Variants in DOCK10 observed in about 807,000 individuals in gnomAD.
DOCK10 encodes the protein dedicator of cytokinesis 10, also known as dedicator of cytokinesis protein 10.
Under a neutral mutation model 280.1 loss-of-function variants are expected in DOCK10, and 145 were observed. That is an observed-to-expected ratio of 0.52 (90% CI 0.45 to 0.59). DOCK10 has a LOEUF of 0.59. DOCK10 is among the 20% of genes least tolerant of loss of function. DOCK10 has a pLI of 0.00. For synonymous variants in DOCK10, 915 were observed against 942.2 expected, an observed-to-expected ratio of 0.97 and a Z score of 0.53; for missense variants, 2,368 against 2,651.7, an observed-to-expected ratio of 0.89 and a Z score of 2.35.
At chr2:224,847,457 G>A (rs1334098649) in intron 19 of DOCK10, among the ~76,000 whole-genome samples, 1 of 152,186 alleles carries the variant, frequency 6.6e-6, no homozygotes, top group Non-Finnish European at 1.5e-5. Context: ...GTAGTTCCCA[G>A]AACTGTCCAT....
intron 4 of DOCK10, among the ~76,000 whole-genome samples, chr2:224,886,896 A>ACCCC (rs1350872410): frequency 3.8e-5 from 5 of 130,310 alleles, no homozygotes; most frequent in African/African-American, 1.3e-4. Flanking sequence ...ACACCCCCCC[A>ACCCC]AGTAGTACCT....
intron 1 of DOCK10, among the ~76,000 whole-genome samples, chr2:225,000,041 A>G (rs1706386082): frequency 6.6e-6 from 1 of 152,224 alleles, no homozygotes; most frequent in Admixed American, 6.5e-5. Context: ...TGAAAATTAC[A>G]GTATATCCAA....
chr2:225,037,613 T>C (rs575791834), intron 1 of DOCK10, among the ~76,000 whole-genome samples: 12 of 152,230 alleles, frequency 7.9e-5, no homozygotes, highest in Non-Finnish European at 1.8e-4. Flanking sequence ...ACTGGCCTCC[T>C]CTGTATTTTG....
chr2:224,782,917 T>C (rs151050389), intron 50 of DOCK10, among the ~76,000 whole-genome samples: 208 of 152,374 alleles, frequency 1.4e-3, no homozygotes, highest in African/African-American at 4.5e-3. Context: ...ATGGAGATTA[T>C]GCTAATCAAG....
chr2:224,997,189 T>C (rs930473614), intron 1 of DOCK10, among the ~76,000 whole-genome samples: 3 of 151,358 alleles, frequency 2.0e-5, no homozygotes, highest in Non-Finnish European at 4.4e-5. Flanking sequence ...GGTTGGGGTT[T>C]GTCCCTCCCT....
chr2:224,967,041 A>G (rs906360043), intron 1 of DOCK10, among the ~76,000 whole-genome samples: 1 of 152,120 alleles, frequency 6.6e-6, no homozygotes, highest in Non-Finnish European at 1.5e-5. Context: ...TGTTCATGGA[A>G]TATCAGGACC....
chr2:224,999,914 A>G lies in DOCK10; in HGVS notation c.123+42338T>C, dbSNP rs912954955. Among the ~76,000 whole-genome samples, 5 of 152,174 alleles carry G rather than the reference A, an allele frequency of 3.3e-5. No homozygotes were observed. The East Asian group carries it at 9.6e-4, about 29-fold the overall frequency. On this transcript the variant is annotated intron_variant, in intron 1 of 55. Coordinates refer to ENST00000258390, the MANE Select transcript of DOCK10 (RefSeq NM_014689.3). Reference sequence around the variant, plus strand: ...CTTGGAAAAGCTCAGCTATGGATTGAAAGCTTTATTATGTGTGGTGCAACA... The same window carrying G: ...CTTGGAAAAGCTCAGCTATGGATTGGAAGCTTTATTATGTGTGGTGCAACA...
At chr2:224,897,313 G>A (rs1266471331) in intron 3 of DOCK10, among the ~76,000 whole-genome samples, 1 of 152,126 alleles carries the variant, frequency 6.6e-6, no homozygotes. Context: ...CAGGGTACAT[G>A]AGATGGTTTG....
chr2:225,027,375 T>C lies in DOCK10; in HGVS notation c.123+14877A>G, dbSNP rs553622413. ...TGACCACTGTAATAATGAACACGGA[T>C]GTAGCTTCAAAACTCTGAAGCATGT... On this transcript the variant is annotated intron_variant, in intron 1 of 55. Transcript: ENST00000258390. Among the ~76,000 whole-genome samples the C allele has an allele frequency of 5.9e-5, 9 of 152,296 alleles. No individual in the cohort carries two copies. In the East Asian group the frequency reaches 1.4e-3, roughly 23 times the overall value.
intron 30 of DOCK10, among the ~76,000 whole-genome samples, chr2:224,816,027 C>T (rs1441272852): frequency 6.6e-6 from 1 of 151,904 alleles, no homozygotes; most frequent in Non-Finnish European, 1.5e-5. Context: ...GAGTGAGACT[C>T]TACCTCAAAA....
rs1352793199 is a variant in DOCK10 at position 224,991,329 on chromosome 2, T to C, written c.123+50923A>G. 2.6e-5 allele frequency among the ~76,000 whole-genome samples: 4 copies of C among 152,336 alleles called. No homozygotes were observed. The East Asian group carries it at 7.7e-4, about 29-fold the overall frequency. On this transcript the variant is annotated intron_variant, in intron 1 of 55. Coordinates refer to ENST00000258390, the MANE Select transcript of DOCK10 (RefSeq NM_014689.3). ...TAGTTTTGTTGTCTTGGAACATTAA[T>C]TCTCTGAGACTTATTTTCTCCATTG...
Position 224,917,101 on chromosome 2 carries a change from C to CTTTTTTTTTTTT in DOCK10, c.244-329_244-318dup, listed in dbSNP as rs58223345. On this transcript the variant is annotated intron_variant, in intron 2 of 55. Coordinates refer to ENST00000258390, the MANE Select transcript of DOCK10 (RefSeq NM_014689.3). ...CAATTTAGCTGATTTCTATTGGAAT[C>CTTTTTTTTTTTT]TTTTTTTTTTTTTTTTTTTTTTGAG... Among the ~76,000 whole-genome samples, 406 of 95,678 alleles carry CTTTTTTTTTTTT rather than the reference C, an allele frequency of 4.2e-3. 44 individuals are homozygous for CTTTTTTTTTTTT. Among genetic ancestry groups the CTTTTTTTTTTTT allele is most frequent in the Non-Finnish European group, 5.2e-3 (270 of 52,202 alleles). 62.8% of individuals were successfully genotyped at this position (95,678 alleles called of 152,430 possible).
At chr2:224,802,895 G>A (rs1305141423) in intron 39 of DOCK10, among the ~76,000 whole-genome samples, 4 of 152,108 alleles carry the variant, frequency 2.6e-5, no homozygotes, top group Non-Finnish European at 5.9e-5. Context: ...CACTTTTCAA[G>A]GCTGTTTTGG....
chr2:225,039,571 C>G (rs556523743), intron 1 of DOCK10, among the ~76,000 whole-genome samples: 21 of 152,260 alleles, frequency 1.4e-4, no homozygotes, highest in South Asian at 1.0e-3. Flanking sequence ...TTGGCATACA[C>G]CTGTATTGTC....
At chr2:224,797,177 C>A in intron 42 of DOCK10, 31 bp from the exon 43 acceptor site, 2 of 1,524,484 alleles carry the variant, frequency 1.3e-6, no homozygotes, top group Non-Finnish European at 1.8e-6. Context: ...GTGAAGGGAG[C>A]AACATGCCTT....
At chr2:225,041,035 C>A (rs911541692) in intron 1 of DOCK10, among the ~76,000 whole-genome samples, 3 of 151,074 alleles carry the variant, frequency 2.0e-5, no homozygotes, top group African/African-American at 7.3e-5. Flanking sequence ...GTTTCACACT[C>A]CAATCACCCC....
chr2:224,981,865 A>G (rs1253723267), intron 1 of DOCK10, among the ~76,000 whole-genome samples: 1 of 152,238 alleles, frequency 6.6e-6, no homozygotes, highest in Non-Finnish European at 1.5e-5. Flanking sequence ...CTCTTCTTTC[A>G]AATTATAGTT....
intron 1 of DOCK10, among the ~76,000 whole-genome samples, chr2:225,035,037 C>T (rs1475118174): frequency 1.3e-5 from 2 of 152,094 alleles, no homozygotes; most frequent in African/African-American, 4.8e-5. Context: ...AATTCAAGAG[C>T]CCAATCACCT....
At chr2:224,908,415 TTGTGTGTGTGTGTGTGTG>T (rs57986119) in intron 3 of DOCK10, among the ~76,000 whole-genome samples, 12 of 141,078 alleles carry the variant, frequency 8.5e-5, no homozygotes, top group Non-Finnish European at 1.5e-4. Flanking sequence ...TCATCATCGT[TTGTGTGTGTGTGTGTGTG>T]TGTGTGTGTG....
Sources: gnomAD v4.1 joint callset for allele counts (sites outside exome capture counted in the v4.1 genomes callset) on GRCh38, gnomAD v4.1.1 for gene constraint, MANE v1.5 for transcripts, NCBI Gene and HGNC (gene_info 2026-07-23, HGNC 2026-07-21) for gene names.